PSORS1C1: variants seen among roughly 807,000 people sequenced by gnomAD.
PSORS1C1 encodes the protein psoriasis susceptibility 1 candidate gene 1 protein.
A neutral mutation model predicts 9.4 loss-of-function variants in PSORS1C1; 7 were observed. The ratio of observed to expected loss-of-function variants is 0.75; its 90% CI spans 0.42 to 1.40. PSORS1C1 has a LOEUF of 1.40. Among genes scored for constraint, PSORS1C1 ranks in the 40% most tolerant of loss-of-function variants. The probability of loss-of-function intolerance (pLI) is 0.01; values close to 1 mark genes in which losing one functional copy is unlikely to be tolerated. For missense variants in PSORS1C1, 146 were observed against 178.1 expected (o/e 0.82, Z 1.02); for synonymous variants, 63 against 69.4 (o/e 0.91, Z 0.46).
chr6:31,135,542 A>G (rs1773103628), intron 3 of PSORS1C1, among the ~76,000 whole-genome samples: 1 of 152,208 alleles, frequency 6.6e-6, no homozygotes, highest in Non-Finnish European at 1.5e-5. Context: ...ATTAAAAACA[A>G]TTTGTTGTGC....
At chr6:31,121,445 A>G (rs967986029) in intron 1 of PSORS1C1, among the ~76,000 whole-genome samples, 1 of 152,224 alleles carries the variant, frequency 6.6e-6, no homozygotes. Flanking sequence ...CGGGTCCTCA[A>G]AGGATGAAAG....
chr6:31,118,992 G>A (rs148315197), intron 1 of PSORS1C1, among the ~76,000 whole-genome samples: 5,123 of 151,526 alleles, frequency 0.034, 255 homozygotes, highest in African/African-American at 0.11. Flanking sequence ...ACAGGTGCCC[G>A]CCACCACACC....
chr6:31,124,276 A>G (rs986719349), intron 1 of PSORS1C1, among the ~76,000 whole-genome samples: 9 of 152,076 alleles, frequency 5.9e-5, no homozygotes, highest in Admixed American at 5.9e-4. Flanking sequence ...GGGCAAGTTG[A>G]GGGACTCCAT....
Position 31,139,665 on chromosome 6 carries a change from G to T in PSORS1C1, c.192G>T (p.Met64Ile), listed in dbSNP as rs138995174. The stretch of plus-strand genomic sequence containing the variant: ...GGCATGCAGGGGACCTCCAAGCAAT[G>T]ATATCCAAGGAATTCCATCTGGCAG... ...HFWHAGDLQA[M>I]ISKEFHLAAT... Residue 64 changes from methionine (M) to isoleucine (I), a missense_variant, in exon 6 of 6, where the codon ATG becomes ATT. Transcript: ENST00000259881. The surrounding 1 kb of genome is among the most constrained non-coding windows in gnomAD (Gnocchi z 5.2). The T allele has an allele frequency of 3.1e-6, 5 of 1,612,612 alleles. No individual in the cohort carries two copies. Among genetic ancestry groups the T allele is most frequent in the Non-Finnish European group, 3.4e-6 (4 of 1,179,708 alleles).
chr6:31,138,352 T>A lies in PSORS1C1; in HGVS notation c.14-78T>A. 2.5e-6 allele frequency: 4 copies of A among 1,601,140 alleles called. No individual in the cohort carries two copies. In the South Asian group the frequency reaches 4.4e-5, roughly 18 times the overall value. On this transcript the variant is annotated intron_variant, in intron 3 of 5. Transcript: ENST00000259881. Reference sequence around the variant, plus strand: ...AGGTAAGAGGTGGTGAGGGCTTCTCTCCCCAGCCCCACCCAGCCCCAGCCC... The same window carrying A: ...AGGTAAGAGGTGGTGAGGGCTTCTCACCCCAGCCCCACCCAGCCCCAGCCC...
At chr6:31,117,771 G>A (rs1446695184) in intron 1 of PSORS1C1, 6 of 544,828 alleles carry the variant, frequency 1.1e-5, no homozygotes, top group Admixed American at 6.2e-5. Flanking sequence ...AGAAAATTAG[G>A]TGCCAAAGTG....
At position 31,115,895 on chromosome 6, in the gene PSORS1C1, C is replaced by T; in HGVS notation, c.-229+1004C>T. The T allele has an allele frequency of 1.3e-6, 1 of 792,812 alleles. No homozygotes were observed. The highest frequency in any genetic ancestry group is 2.1e-6 in the Non-Finnish European group (1 of 469,208). 49.1% of individuals were successfully genotyped at this position (792,812 alleles called of 1,614,324 possible). On this transcript the variant is annotated intron_variant, in intron 1 of 5. Coordinates refer to ENST00000259881, the MANE Select transcript of PSORS1C1 (RefSeq NM_014068.3). This position sits in a 1 kb window ranked among gnomAD's most constrained non-coding sequence, Gnocchi z 4.2. Reference sequence around the variant, plus strand: ...TGCAACCTTGGGGTAGTGGAGAAAGCAGAACCACTCTTTTGGGAAGGAGGG... The same window carrying T: ...TGCAACCTTGGGGTAGTGGAGAAAGTAGAACCACTCTTTTGGGAAGGAGGG...
intron 1 of PSORS1C1, chr6:31,117,878 T>G (rs1227367906): frequency 3.1e-6 from 1 of 325,336 alleles, no homozygotes; most frequent in Non-Finnish European, 5.8e-6. Flanking sequence ...GTGGGAGGAT[T>G]GCATGCGCCC....
At chr6:31,129,686 T>G (rs1211410040) in intron 3 of PSORS1C1, 41 bp downstream of exon 3, 13 of 779,482 alleles carry the variant, frequency 1.7e-5, no homozygotes, top group Non-Finnish European at 2.4e-6. Flanking sequence ...TTCTGTGAAA[T>G]GGGGCTAATC....
intron 1 of PSORS1C1, among the ~76,000 whole-genome samples, chr6:31,123,182 C>G (rs1772539028): frequency 6.6e-6 from 1 of 152,210 alleles, no homozygotes; most frequent in African/African-American, 2.4e-5. Flanking sequence ...GCAGCCACGT[C>G]CCTCCTCCTG....
intron 1 of PSORS1C1, chr6:31,116,970 CTGGT>C: frequency 6.2e-7 from 1 of 1,614,192 alleles, no homozygotes; most frequent in Non-Finnish European, 8.5e-7. Flanking sequence ...TACAGGGACG[CTGGT>C]TGGAGCTGAC....
intron 3 of PSORS1C1, among the ~76,000 whole-genome samples, chr6:31,132,517 C>T (rs570908811): frequency 5.4e-5 from 8 of 148,956 alleles, no homozygotes; most frequent in African/African-American, 2.0e-4. Context: ...AGGGAGACTC[C>T]GTCTCAAAAA....
intron 3 of PSORS1C1, among the ~76,000 whole-genome samples, chr6:31,132,503 C>T (rs1366448941): frequency 2.1e-5 from 3 of 143,364 alleles, no homozygotes; most frequent in South Asian, 2.2e-4. Context: ...GTCTGGGCAA[C>T]GAGAGGGAGA....
intron 3 of PSORS1C1, among the ~76,000 whole-genome samples, chr6:31,134,459 T>G (rs144113038): frequency 6.6e-6 from 1 of 151,286 alleles, no homozygotes; most frequent in Non-Finnish European, 1.5e-5. Flanking sequence ...CCGGCCACCA[T>G]GCCCGGCTAA....
At chr6:31,116,032 C>G in intron 1 of PSORS1C1, 1 of 1,610,582 alleles carries the variant, frequency 6.2e-7, no homozygotes, top group Non-Finnish European at 8.5e-7. Flanking sequence ...TTCTTATGGA[C>G]TGTTGAGTAA....
At chr6:31,119,697 A>G (rs1041303735) in intron 1 of PSORS1C1, among the ~76,000 whole-genome samples, 3 of 152,184 alleles carry the variant, frequency 2.0e-5, no homozygotes, top group African/African-American at 7.2e-5. Context: ...CAGGAGTTCA[A>G]GACCAGCTTG....
At chr6:31,127,409 C>T (rs1231885394) in intron 2 of PSORS1C1, among the ~76,000 whole-genome samples, 3 of 152,088 alleles carry the variant, frequency 2.0e-5, no homozygotes, top group Admixed American at 1.3e-4. Context: ...AGAGGCATCT[C>T]GTGTCCCGCT....
intron 1 of PSORS1C1, among the ~76,000 whole-genome samples, chr6:31,122,995 T>A (rs2150963900): frequency 6.6e-6 from 1 of 152,172 alleles, no homozygotes; most frequent in East Asian, 1.9e-4. Context: ...ATCTGTGGCT[T>A]CTTCTTTTCC....
intron 3 of PSORS1C1, among the ~76,000 whole-genome samples, chr6:31,131,270 A>G (rs1172670099): frequency 1.3e-5 from 2 of 152,184 alleles, no homozygotes; most frequent in Non-Finnish European, 2.9e-5. Context: ...CAGGCACTGT[A>G]TTCTCTGTCA....
Sources: gnomAD v4.1 joint callset for allele counts (sites outside exome capture counted in the v4.1 genomes callset) on GRCh38, gnomAD v4.1.1 for gene constraint, Gnocchi (gnomAD v3.1) non-coding constraint, MANE v1.5 for transcripts, NCBI Gene and HGNC (gene_info 2026-07-23, HGNC 2026-07-21) for gene names.